Variants in PDE4D observed in about 807,000 individuals in gnomAD.
PDE4D encodes the protein phosphodiesterase 4D.
PDE4D carries 24 observed loss-of-function variants against 87.4 expected under a neutral mutation model. That is an observed-to-expected ratio of 0.27 (90% CI 0.20 to 0.39). The LOEUF (loss-of-function observed/expected upper bound fraction) is 0.39. PDE4D is among the 10% of genes least tolerant of loss of function. PDE4D has a pLI of 1.00. For missense variants in PDE4D, 714 were observed against 1,041.0 expected (o/e 0.69, Z 4.32); for synonymous variants, 384 against 383.2 (o/e 1.00, Z -0.02).
chr5:59,405,515 T>C (rs1791458060), intron 1 of PDE4D, among the ~76,000 whole-genome samples: 1 of 152,250 alleles, frequency 6.6e-6, no homozygotes, highest in Admixed American at 6.5e-5. Context: ...TAATATCATC[T>C]GCAAACAAGA....
chr5:59,988,828 G>C (rs1293858728), intron 2 of PDE4D: 5 of 556,262 alleles, frequency 9.0e-6, no homozygotes, highest in African/African-American at 1.9e-5. Flanking sequence ...ATGTATACAT[G>C]AAAAATGCTA....
At chr5:59,442,359 A>G (rs1361434363) in intron 1 of PDE4D, among the ~76,000 whole-genome samples, 1 of 150,720 alleles carries the variant, frequency 6.6e-6, no homozygotes, top group East Asian at 1.9e-4. Context: ...TTTTCATAAT[A>G]GATAAACTAG....
At chr5:59,328,442 G>T (rs138268673) in intron 1 of PDE4D, among the ~76,000 whole-genome samples, 18 of 152,274 alleles carry the variant, frequency 1.2e-4, no homozygotes, top group African/African-American at 4.3e-4. Context: ...TTCCTAGCTA[G>T]CATTTGATTT....
At chr5:60,018,378 C>G (rs779502927) in intron 2 of PDE4D, among the ~76,000 whole-genome samples, 5 of 152,126 alleles carry the variant, frequency 3.3e-5, no homozygotes, top group Non-Finnish European at 7.4e-5. Flanking sequence ...CAAACCACTG[C>G]AAAACCATAC....
chr5:59,975,576 G>A (rs1429235327), intron 3 of PDE4D, among the ~76,000 whole-genome samples: 1 of 151,936 alleles, frequency 6.6e-6, no homozygotes, highest in Non-Finnish European at 1.5e-5. Context: ...CAAATCCCTT[G>A]CCCTATTTTT....
At chr5:60,048,157 A>C (rs1769552185) in intron 2 of PDE4D, among the ~76,000 whole-genome samples, 1 of 151,682 alleles carries the variant, frequency 6.6e-6, no homozygotes, top group African/African-American at 2.4e-5. Context: ...GTTGGTTTAA[A>C]GTCTGTTTTA....
intron 1 of PDE4D, among the ~76,000 whole-genome samples, chr5:59,391,940 A>T (rs960316831): frequency 2.0e-5 from 3 of 148,354 alleles, no homozygotes; most frequent in Non-Finnish European, 4.5e-5. Flanking sequence ...ATATATAAAT[A>T]AATATATATT....
chr5:59,608,303 C>T (rs1828500780), intron 1 of PDE4D, among the ~76,000 whole-genome samples: 1 of 152,122 alleles, frequency 6.6e-6, no homozygotes, highest in South Asian at 2.1e-4. Context: ...TAAAGTCACA[C>T]TTAGCTCACA....
intron 1 of PDE4D, among the ~76,000 whole-genome samples, chr5:60,187,062 G>A (rs993232646): frequency 7.2e-5 from 11 of 152,180 alleles, no homozygotes; most frequent in African/African-American, 1.2e-4. Context: ...ATCTCTGGAT[G>A]CAACTTGGGG....
chr5:59,339,993 CT>C (rs1386422076), intron 1 of PDE4D, among the ~76,000 whole-genome samples: 4 of 150,656 alleles, frequency 2.7e-5, no homozygotes, highest in Non-Finnish European at 4.4e-5. Context: ...ATCCCTGTTG[CT>C]TTACAGGAAT....
At chr5:59,135,408 T>C (rs1395109322) in intron 5 of PDE4D, among the ~76,000 whole-genome samples, 1 of 152,226 alleles carries the variant, frequency 6.6e-6, no homozygotes, top group African/African-American at 2.4e-5. Context: ...CAATTAAATG[T>C]GGTCCCTGTT....
In PDE4D at chr5:59,066,806, G is replaced by A. The variant is rs147513461; in HGVS notation, c.809-27835C>T. The stretch of plus-strand genomic sequence containing the variant: ...TATAAGGGGATTAGTGGCTTATAAA[G>A]GAGGCCCAAGAGAGCTGCCTTGCCC... On this transcript the variant is annotated intron_variant, in intron 5 of 14. Coordinates refer to ENST00000340635, the MANE Select transcript of PDE4D (RefSeq NM_001104631.2). 5.3e-3 allele frequency among the ~76,000 whole-genome samples: 807 copies of A among 152,090 alleles called. 2 individuals are homozygous for A. Among genetic ancestry groups the A allele is most frequent in the Admixed American group, 7.7e-3 (117 of 15,260 alleles).
chr5:59,444,218 T>C (rs1190424160), intron 1 of PDE4D, among the ~76,000 whole-genome samples: 1 of 152,194 alleles, frequency 6.6e-6, no homozygotes, highest in African/African-American at 2.4e-5. Context: ...GGGGTTTTTC[T>C]AAAGATATCA....
chr5:59,837,426 C>T (rs1432799517), intron 1 of PDE4D, among the ~76,000 whole-genome samples: 1 of 152,050 alleles, frequency 6.6e-6, no homozygotes, highest in African/African-American at 2.4e-5. Flanking sequence ...AAGAGCTTGT[C>T]ATATATGTCT....
intron 1 of PDE4D, among the ~76,000 whole-genome samples, chr5:59,693,755 A>G (rs750965160): frequency 6.6e-6 from 1 of 152,170 alleles, no homozygotes; most frequent in African/African-American, 2.4e-5. Context: ...TTTTTAATCT[A>G]CTTCCTTGTG....
chr5:59,046,403 T>TGAGA (rs752886348), intron 5 of PDE4D, among the ~76,000 whole-genome samples: 1 of 143,596 alleles, frequency 7.0e-6, no homozygotes, highest in Non-Finnish European at 1.5e-5. Flanking sequence ...CATGAAAGAG[T>TGAGA]GAGAGAGAGA....
intron 5 of PDE4D, among the ~76,000 whole-genome samples, chr5:59,118,659 C>A (rs184162755): frequency 6.6e-6 from 1 of 152,306 alleles, no homozygotes; most frequent in Admixed American, 6.5e-5. Flanking sequence ...GTTTTGCTTT[C>A]TTCCCAGGCA....
At chr5:59,353,173 G>A (rs894076738) in intron 1 of PDE4D, among the ~76,000 whole-genome samples, 1 of 152,090 alleles carries the variant, frequency 6.6e-6, no homozygotes. Flanking sequence ...CTCTTTGGAA[G>A]ACAGAATCAT....
chr5:59,574,048 A>T (rs1481025863), intron 1 of PDE4D, among the ~76,000 whole-genome samples: 1 of 94,714 alleles, frequency 1.1e-5, no homozygotes, highest in Non-Finnish European at 1.9e-5. Context: ...ATTTATATAT[A>T]TTTATATATA....
Sources: gnomAD v4.1 joint callset for allele counts (sites outside exome capture counted in the v4.1 genomes callset) on GRCh38, gnomAD v4.1.1 for gene constraint, MANE v1.5 for transcripts, NCBI Gene and HGNC (gene_info 2026-07-23, HGNC 2026-07-21) for gene names.